Variants in SLC48A1 observed in about 807,000 individuals in gnomAD.
The protein encoded by SLC48A1 is heme transporter HRG1.
A neutral mutation model predicts 14.8 loss-of-function variants in SLC48A1; 6 were observed. The observed-to-expected ratio is 0.41, with a 90% confidence interval of 0.22 to 0.80. SLC48A1 has a LOEUF of 0.80. SLC48A1 is among the 30% of genes least tolerant of loss of function. The pLI is 0.34. For synonymous variants in SLC48A1, 89 were observed against 90.0 expected (o/e 0.99, Z 0.06); for missense variants, 165 against 204.8 (o/e 0.81, Z 1.19).
intron 2 of SLC48A1, among the ~76,000 whole-genome samples, chr12:47,762,939 A>G (rs1361283352): frequency 6.6e-6 from 1 of 152,220 alleles, no homozygotes; most frequent in Non-Finnish European, 1.5e-5. Flanking sequence ...TGAGCAGCAG[A>G]CACTGTCCCA....
upstream of SLC48A1, among the ~76,000 whole-genome samples, chr12:47,757,316 G>A (rs1445210660): frequency 1.3e-5 from 2 of 152,028 alleles, no homozygotes; most frequent in African/African-American, 4.8e-5. Context: ...ACTAGCAAAG[G>A]GCACTTTGGT....
At chr12:47,761,207 A>C (rs1942372384) in intron 2 of SLC48A1, among the ~76,000 whole-genome samples, 1 of 151,798 alleles carries the variant, frequency 6.6e-6, no homozygotes, top group Admixed American at 6.6e-5. Context: ...AAAAAAAAAA[A>C]AAAAAGGCAG....
At position 47,773,240 on chromosome 12, in the gene SLC48A1, C is replaced by T; in HGVS notation, c.-65C>T. On this transcript the variant is annotated 5_prime_UTR_variant, in exon 1 of 3. Coordinates refer to ENST00000442218, the MANE Select transcript of SLC48A1 (RefSeq NM_017842.3). Reference sequence around the variant, plus strand: ...CGGCTCCCGCGGCTCCGGCTGGCGGCTTCGGGCCCTGCACCTGTGACTCTC... The same window carrying T: ...CGGCTCCCGCGGCTCCGGCTGGCGGTTTCGGGCCCTGCACCTGTGACTCTC... 4 of 1,171,164 alleles carry T rather than the reference C, an allele frequency of 3.4e-6. No homozygotes were observed. Among genetic ancestry groups the T allele is most frequent in the Non-Finnish European group, 4.2e-6 (4 of 948,948 alleles). 72.5% of individuals were successfully genotyped at this position (1,171,164 alleles called of 1,614,324 possible). A position where few individuals can be genotyped will look rare whatever the true frequency, so the allele number is the denominator to read the frequency against.
intron 2 of SLC48A1, among the ~76,000 whole-genome samples, chr12:47,761,622 G>T (rs12827114): frequency 6.6e-6 from 1 of 152,232 alleles, no homozygotes; most frequent in Non-Finnish European, 1.5e-5. Flanking sequence ...CTGAGGCCTA[G>T]AAGGGGCAGA....
At chr12:47,779,499 G>T (rs1942820394) in intron 2 of SLC48A1, among the ~76,000 whole-genome samples, 1 of 152,170 alleles carries the variant, frequency 6.6e-6, no homozygotes, top group Non-Finnish European at 1.5e-5. Context: ...GGCTGTGGCT[G>T]GAAATAACCA....
chr12:47,762,263 TG>T (rs1234846286), intron 2 of SLC48A1, among the ~76,000 whole-genome samples: 4 of 152,108 alleles, frequency 2.6e-5, no homozygotes. Context: ...GCTTTGACTC[TG>T]GGCTTGATTT....
At chr12:47,770,985 C>A (rs1000358554), upstream of SLC48A1, 5 of 453,882 alleles carry the variant, frequency 1.1e-5, no homozygotes, top group Non-Finnish European at 2.2e-5. Context: ...GACCACGGGG[C>A]TTGCTCCCTC....
upstream of SLC48A1, among the ~76,000 whole-genome samples, chr12:47,767,023 C>T (rs939286586): frequency 1.3e-5 from 2 of 152,130 alleles, no homozygotes; most frequent in Non-Finnish European, 2.9e-5. Context: ...TCTAGGACAG[C>T]CCTTTCTGCT....
intron 2 of SLC48A1, among the ~76,000 whole-genome samples, chr12:47,764,993 C>T (rs1275487437): frequency 7.0e-6 from 1 of 141,858 alleles, no homozygotes; most frequent in Non-Finnish European, 1.5e-5. Context: ...AGGAGAATCG[C>T]TTAAACCTGG....
At chr12:47,770,461 G>C (rs1942606816), upstream of SLC48A1, among the ~76,000 whole-genome samples, 1 of 152,066 alleles carries the variant, frequency 6.6e-6, no homozygotes, top group African/African-American at 2.4e-5. Context: ...ATCCTCTCTT[G>C]CCATGGCAGC....
At position 47,777,664 on chromosome 12, in the gene SLC48A1, C is replaced by T. The variant is rs1942782890; in HGVS notation, c.137-1364C>T. 6.6e-6 allele frequency among the ~76,000 whole-genome samples: 1 copy of T among 152,122 alleles called. No homozygotes were observed. The highest frequency in any genetic ancestry group is 2.4e-5 in the African/African-American group (1 of 41,428). On this transcript the variant is annotated intron_variant, in intron 1 of 2. Coordinates refer to ENST00000442218, the MANE Select transcript of SLC48A1 (RefSeq NM_017842.3). The surrounding 1 kb of genome is among the most constrained non-coding windows in gnomAD (Gnocchi z 4.5). Reference sequence around the variant, plus strand: ...TGACAAGCTTCCTCCTGCCTTTTTCCCCCTTAAACAAATTATGAAATATTT... The same window carrying T: ...TGACAAGCTTCCTCCTGCCTTTTTCTCCCTTAAACAAATTATGAAATATTT...
intron 2 of SLC48A1, among the ~76,000 whole-genome samples, chr12:47,764,953 T>C (rs978255517): frequency 3.3e-5 from 5 of 151,734 alleles, no homozygotes; most frequent in African/African-American, 7.3e-5. Flanking sequence ...GGTGTGTGCC[T>C]ATAGTCCAAG....
upstream of SLC48A1, among the ~76,000 whole-genome samples, chr12:47,767,988 T>C (rs1942552254): frequency 6.6e-6 from 1 of 152,190 alleles, no homozygotes; most frequent in Non-Finnish European, 1.5e-5. Flanking sequence ...TTAAATTTTT[T>C]TTTTCTTGAG....
At position 47,782,113 on chromosome 12, in the gene SLC48A1, CAG is replaced by C. The variant is rs1437004514; in HGVS notation, c.*1834_*1835del. On this transcript the variant is annotated 3_prime_UTR_variant, in exon 3 of 3. Coordinates refer to ENST00000442218, the MANE Select transcript of SLC48A1 (RefSeq NM_017842.3). ...TCCTCTTCCTGCTGGAAAAACCGGA[CAG>C]ACTCAGAACCACAAAGGCAGGTGCT... The C allele has an allele frequency of 6.6e-6, 1 of 152,316 alleles. No individual in the cohort carries two copies. Among genetic ancestry groups the C allele is most frequent in the African/African-American group, 2.4e-5 (1 of 41,458 alleles). The allele number at this position is 152,316 out of a possible 1,614,324, so 9.4% of individuals were successfully genotyped here.
At chr12:47,754,648 A>G (rs1298362023), upstream of SLC48A1, among the ~76,000 whole-genome samples, 1 of 152,200 alleles carries the variant, frequency 6.6e-6, no homozygotes, top group Admixed American at 6.5e-5. Flanking sequence ...AGTACTTGGA[A>G]TGGTGCCTGG....
exon 1 of SLC48A1, chr12:47,758,590 C>G (rs1942248288): frequency 1.2e-6 from 2 of 1,613,608 alleles, no homozygotes; most frequent in South Asian, 1.1e-5. Context: ...CGTGCAGGCT[C>G]TAGCAAAAGG....
At chr12:47,758,315 C>G, upstream of SLC48A1, 1 of 1,434,626 alleles carries the variant, frequency 7.0e-7, no homozygotes, top group Non-Finnish European at 9.1e-7. Context: ...CCTTCTTAGT[C>G]CTCTTTGGAA....
chr12:47,771,170 TAG>T (rs1411698423), upstream of SLC48A1: 7 of 284,884 alleles, frequency 2.5e-5, no homozygotes, highest in East Asian at 5.7e-4. Context: ...CAGATTATTC[TAG>T]AGTGAGGCAA....
chr12:47,757,773 AGC>A, upstream of SLC48A1: 1 of 1,261,334 alleles, frequency 7.9e-7, no homozygotes, highest in Non-Finnish European at 1.1e-6. Flanking sequence ...CCCCAGAGCA[AGC>A]TGGGCCACCA....
Sources: gnomAD v4.1 joint callset for allele counts (sites outside exome capture counted in the v4.1 genomes callset) on GRCh38, gnomAD v4.1.1 for gene constraint, Gnocchi (gnomAD v3.1) non-coding constraint, MANE v1.5 for transcripts, NCBI Gene and HGNC (gene_info 2026-07-23, HGNC 2026-07-21) for gene names.